Variants in SAMD5 observed in about 807,000 individuals in gnomAD.
SAMD5 encodes sterile alpha motif domain containing 5, also known as sterile alpha motif domain-containing protein 5.
SAMD5 carries 13 observed loss-of-function variants against 11.3 expected under a neutral mutation model. That is an observed-to-expected ratio of 1.15 (90% CI 0.75 to 1.83). SAMD5 has a LOEUF of 1.83. Ranked by LOEUF, SAMD5 falls within the 40% of genes most tolerant of loss-of-function variation. The probability of loss-of-function intolerance (pLI) is 0.00; values close to 1 mark genes in which losing one functional copy is unlikely to be tolerated. For synonymous variants in SAMD5, 129 were observed against 111.3 expected (o/e 1.16, Z -1.00); for missense variants, 255 against 239.1 (o/e 1.07, Z -0.44).
chr6:147,879,070 T>G, the SAMD5 span, among the ~76,000 whole-genome samples: 1 of 152,252 alleles, frequency 6.6e-6, no homozygotes, highest in South Asian at 2.1e-4. Flanking sequence ...CTGCGATACC[T>G]GATGAAAACA....
intron 1 of SAMD5, among the ~76,000 whole-genome samples, chr6:147,629,647 A>G (rs1368802139): frequency 1.3e-5 from 2 of 152,182 alleles, no homozygotes; most frequent in Admixed American, 6.5e-5. Context: ...TAACCTAACT[A>G]TTGTGTTCAG....
intron 1 of SAMD5, among the ~76,000 whole-genome samples, chr6:147,638,324 T>G (rs1369956500): frequency 6.6e-6 from 1 of 152,228 alleles, no homozygotes; most frequent in Non-Finnish European, 1.5e-5. Flanking sequence ...CTGAAATTTT[T>G]CCTTCTGCTC....
At chr6:147,944,174 T>C in the SAMD5 span, among the ~76,000 whole-genome samples, 1 of 152,206 alleles carries the variant, frequency 6.6e-6, no homozygotes, top group Non-Finnish European at 1.5e-5. Flanking sequence ...TTCACACACA[T>C]ACATCTCCTC....
At position 147,711,373 on chromosome 6, in the gene SAMD5, A is replaced by G. The variant is rs867617344; in HGVS notation, c.163-25944A>G. Reference sequence around the variant, plus strand: ...TCCCTGTCCCATTTCTAGCCATATCATGGGACAGATAAAGATGTCATATAA... The same window carrying G: ...TCCCTGTCCCATTTCTAGCCATATCGTGGGACAGATAAAGATGTCATATAA... On this transcript the variant is annotated intron_variant, in intron 1 of 1. Transcript: ENST00000566741. This position sits in a 1 kb window ranked among gnomAD's most constrained non-coding sequence, Gnocchi z 4.1. Among the ~76,000 whole-genome samples the G allele has an allele frequency of 6.6e-6, 1 of 152,106 alleles. No homozygotes were observed. Among genetic ancestry groups the G allele is most frequent in the Non-Finnish European group, 1.5e-5 (1 of 68,016 alleles).
At chr6:147,887,435 T>C in the SAMD5 span, among the ~76,000 whole-genome samples, 1 of 152,348 alleles carries the variant, frequency 6.6e-6, no homozygotes, top group Non-Finnish European at 1.5e-5. Flanking sequence ...TTGTTTTGTC[T>C]AGCTTCTTTC....
intron 1 of SAMD5, among the ~76,000 whole-genome samples, chr6:147,691,464 G>A (rs1356066919): frequency 6.6e-6 from 1 of 151,882 alleles, no homozygotes; most frequent in African/African-American, 2.4e-5. Context: ...TTTCAACTAT[G>A]ACTTTCAGAT....
chr6:147,903,134 T>C, the SAMD5 span, among the ~76,000 whole-genome samples: 3 of 152,200 alleles, frequency 2.0e-5, no homozygotes. Flanking sequence ...CATACAATTA[T>C]AGTGGAGCCA....
At chr6:147,789,420 A>G in the SAMD5 span, among the ~76,000 whole-genome samples, 1 of 152,064 alleles carries the variant, frequency 6.6e-6, no homozygotes, top group Non-Finnish European at 1.5e-5. Flanking sequence ...CCCTGCCCAG[A>G]GATATATTTT....
intron 1 of SAMD5, among the ~76,000 whole-genome samples, chr6:147,532,850 G>A (rs1788450616): frequency 6.6e-6 from 1 of 152,098 alleles, no homozygotes; most frequent in Non-Finnish European, 1.5e-5. Context: ...TTATGAATGG[G>A]TCCACGTGCA....
At chr6:147,929,969 A>C in the SAMD5 span, among the ~76,000 whole-genome samples, 410 of 152,296 alleles carry the variant, frequency 2.7e-3, no homozygotes, top group African/African-American at 9.3e-3. Flanking sequence ...AAAATCCTTT[A>C]TTGTATGGCA....
chr6:147,700,036 T>C (rs1791229948), intron 1 of SAMD5, among the ~76,000 whole-genome samples: 1 of 152,214 alleles, frequency 6.6e-6, no homozygotes, highest in South Asian at 2.1e-4. Flanking sequence ...ATCTATGCTC[T>C]GGGAGGAAAT....
the SAMD5 span, among the ~76,000 whole-genome samples, chr6:147,790,764 C>CTT: frequency 1.2e-5 from 1 of 85,512 alleles, no homozygotes; most frequent in Admixed American, 1.3e-4. Context: ...CTTTCTCTCT[C>CTT]TCTCTTTCTC....
intron 1 of SAMD5, among the ~76,000 whole-genome samples, chr6:147,602,162 T>C (rs1789626529): frequency 6.6e-6 from 1 of 152,206 alleles, no homozygotes; most frequent in African/African-American, 2.4e-5. Flanking sequence ...TGAGAACTGG[T>C]CAAACCTCTC....
At chr6:147,751,625 G>T in the SAMD5 span, among the ~76,000 whole-genome samples, 11 of 152,074 alleles carry the variant, frequency 7.2e-5, no homozygotes, top group Admixed American at 6.6e-4. Context: ...TTTACTTTTC[G>T]GGAATTTATA....
the SAMD5 span, among the ~76,000 whole-genome samples, chr6:147,950,893 C>A: frequency 6.6e-6 from 1 of 151,858 alleles, no homozygotes; most frequent in African/African-American, 2.4e-5. Flanking sequence ...CTGTTTCCCT[C>A]GCCTCCACAT....
the SAMD5 span, among the ~76,000 whole-genome samples, chr6:147,824,522 G>T: frequency 6.6e-6 from 1 of 152,140 alleles, no homozygotes; most frequent in South Asian, 2.1e-4. Flanking sequence ...GCTCCTTGAT[G>T]TGCTCAGCTC....
chr6:147,691,860 C>G (rs192032316), intron 1 of SAMD5, among the ~76,000 whole-genome samples: 1 of 152,202 alleles, frequency 6.6e-6, no homozygotes, highest in Admixed American at 6.5e-5. Flanking sequence ...CTACATAAAT[C>G]TTGCTAAAGA....
chr6:147,591,899 G>A (rs1350653278), intron 1 of SAMD5, among the ~76,000 whole-genome samples: 1 of 152,038 alleles, frequency 6.6e-6, no homozygotes, highest in East Asian at 1.9e-4. Flanking sequence ...GGCTCAGGAG[G>A]CGGTTTCCCT....
intron 1 of SAMD5, among the ~76,000 whole-genome samples, chr6:147,599,039 A>G (rs1222210961): frequency 6.6e-6 from 1 of 152,244 alleles, no homozygotes; most frequent in Non-Finnish European, 1.5e-5. Flanking sequence ...TCAGTGGAGC[A>G]GGAGGAGAAC....
Sources: gnomAD v4.1 joint callset for allele counts (sites outside exome capture counted in the v4.1 genomes callset) on GRCh38, gnomAD v4.1.1 for gene constraint, Gnocchi (gnomAD v3.1) non-coding constraint, MANE v1.5 for transcripts, NCBI Gene and HGNC (gene_info 2026-07-23, HGNC 2026-07-21) for gene names.